PPP2R2B: variants seen among roughly 807,000 people sequenced by gnomAD.
PPP2R2B encodes serine/threonine-protein phosphatase 2A 55 kDa regulatory subunit B beta isoform.
PPP2R2B carries 5 observed loss-of-function variants against 46.0 expected under a neutral mutation model. The observed-to-expected ratio is 0.11, with a 90% CI of 0.06 to 0.23. The LOEUF (loss-of-function observed/expected upper bound fraction) is 0.23. Among genes scored for constraint, PPP2R2B ranks in the 10% least tolerant of loss-of-function variants. The pLI is 1.00. For synonymous variants in PPP2R2B, 215 were observed against 206.7 expected (o/e 1.04, Z -0.34); for missense variants, 367 against 575.0 (o/e 0.64, Z 3.70).
chr5:146,706,115 C>A (rs1392684479), intron 2 of PPP2R2B, among the ~76,000 whole-genome samples: 1 of 152,186 alleles, frequency 6.6e-6, no homozygotes, highest in Non-Finnish European at 1.5e-5. Context: ...AGGTAAGTCT[C>A]CTGTTCCCTG....
At chr5:147,004,908 G>A (rs1011716186) in intron 1 of PPP2R2B, among the ~76,000 whole-genome samples, 8 of 152,154 alleles carry the variant, frequency 5.3e-5, no homozygotes, top group Non-Finnish European at 1.2e-4. Flanking sequence ...TGGCCTCACT[G>A]TTTATGGGTA....
intron 2 of PPP2R2B, among the ~76,000 whole-genome samples, chr5:146,772,575 A>G (rs1481088625): frequency 6.6e-6 from 1 of 151,980 alleles, no homozygotes; most frequent in Non-Finnish European, 1.5e-5. Flanking sequence ...GTTTATAGGA[A>G]TGCATTTGTG....
At chr5:146,876,484 T>C (rs1761905433) in intron 2 of PPP2R2B, among the ~76,000 whole-genome samples, 1 of 152,138 alleles carries the variant, frequency 6.6e-6, no homozygotes, top group Non-Finnish European at 1.5e-5. Flanking sequence ...AAGGCCAACT[T>C]CTCTCTTGGA....
chr5:147,052,655 T>C (rs967265647), intron 1 of PPP2R2B, among the ~76,000 whole-genome samples: 6 of 152,092 alleles, frequency 3.9e-5, no homozygotes, highest in African/African-American at 1.4e-4. Context: ...AAAGAAGGCC[T>C]GTGTGTCTGG....
intron 2 of PPP2R2B, among the ~76,000 whole-genome samples, chr5:146,799,340 C>T (rs569311275): frequency 1.3e-5 from 2 of 152,272 alleles, no homozygotes; most frequent in Non-Finnish European, 2.9e-5. Flanking sequence ...TAGTGGGGAG[C>T]TCTATTTACT....
intron 2 of PPP2R2B, among the ~76,000 whole-genome samples, chr5:146,856,280 T>C (rs1760658937): frequency 6.6e-6 from 1 of 152,230 alleles, no homozygotes; most frequent in Non-Finnish European, 1.5e-5. Flanking sequence ...TTCTTGTTCT[T>C]AAAACAGTAA....
At chr5:146,892,180 A>G (rs1762509908) in intron 1 of PPP2R2B, among the ~76,000 whole-genome samples, 2 of 152,200 alleles carry the variant, frequency 1.3e-5, no homozygotes, top group Admixed American at 6.5e-5. Flanking sequence ...GAGGGAACAC[A>G]ATAGAATAAA....
intron 2 of PPP2R2B, among the ~76,000 whole-genome samples, chr5:147,069,518 A>C (rs796400457): frequency 1.0e-3 from 154 of 152,064 alleles, no homozygotes; most frequent in African/African-American, 3.6e-3. Flanking sequence ...CACAACTTCA[A>C]CATAAACTCT....
At chr5:146,912,754 G>A (rs564280144) in intron 1 of PPP2R2B, among the ~76,000 whole-genome samples, 5 of 152,010 alleles carry the variant, frequency 3.3e-5, no homozygotes, top group Admixed American at 2.0e-4. Context: ...TGATCCGCTC[G>A]CTTCGGCCTC....
chr5:146,725,028 A>C (rs1751770533), intron 2 of PPP2R2B, among the ~76,000 whole-genome samples: 1 of 151,176 alleles, frequency 6.6e-6, no homozygotes, highest in Admixed American at 6.6e-5. Context: ...ATTCTAATTC[A>C]TATATACTTC....
chr5:146,591,431 C>T (rs948850804), intron 9 of PPP2R2B, among the ~76,000 whole-genome samples: 3 of 152,056 alleles, frequency 2.0e-5, no homozygotes, highest in African/African-American at 7.3e-5. Context: ...TCAGGCAGGG[C>T]GCTGAGGGCT....
chr5:146,938,109 G>A (rs746322586), intron 1 of PPP2R2B, among the ~76,000 whole-genome samples: 3 of 152,104 alleles, frequency 2.0e-5, no homozygotes, highest in African/African-American at 4.8e-5. Flanking sequence ...TTGAGGTACC[G>A]TATTTCATGG....
intron 7 of PPP2R2B, among the ~76,000 whole-genome samples, chr5:146,620,347 G>A (rs999061059): frequency 5.9e-5 from 9 of 152,132 alleles, no homozygotes; most frequent in Non-Finnish European, 8.8e-5. Flanking sequence ...TTAGCCAAGC[G>A]GGACTGGTGC....
At chr5:147,025,174 C>T (rs1021364585) in intron 1 of PPP2R2B, among the ~76,000 whole-genome samples, 1 of 151,856 alleles carries the variant, frequency 6.6e-6, no homozygotes, top group Admixed American at 6.6e-5. Context: ...ATGAATTTTC[C>T]AGTTCAGAGG....
rs192339270 is a variant in PPP2R2B at position 146,600,244 on chromosome 5, C to T, written c.960+47G>A. On this transcript the variant is annotated intron_variant, in intron 8 of 9. Transcript: ENST00000394411. ...GGAAGCAGGGGCTGACTTAAAAGCT[C>T]ATGAAGGGAATGTTCAATATACCTA... is the stretch of plus-strand genomic sequence containing the variant. The T allele has an allele frequency of 2.8e-5, 44 of 1,583,478 alleles. No individual in the cohort carries two copies. The African/African-American group carries it at 5.6e-4, about 20-fold the overall frequency.
chr5:147,040,532 G>A (rs1311471541), intron 1 of PPP2R2B, among the ~76,000 whole-genome samples: 2 of 152,094 alleles, frequency 1.3e-5, no homozygotes, highest in Non-Finnish European at 2.9e-5. Flanking sequence ...TTGGACTGGA[G>A]AAATTGTAGG....
intron 5 of PPP2R2B, among the ~76,000 whole-genome samples, chr5:146,653,886 A>G: frequency 6.6e-6 from 1 of 152,142 alleles, no homozygotes; most frequent in Non-Finnish European, 1.5e-5. Context: ...GTATTCCAAC[A>G]TCAGTCCCAG....
In PPP2R2B at chr5:146,875,895, C is replaced by T. The variant is rs906718879; in HGVS notation, c.70+2107G>A. Among the ~76,000 whole-genome samples, 132 of 152,342 alleles carry T rather than the reference C, an allele frequency of 8.7e-4. 1 individual carries two copies. The highest frequency in any genetic ancestry group is 3.1e-3 in the African/African-American group (127 of 41,576). ...ATTGGAAGAACAGGGACTCTTCCCC[C>T]TCTGGCAACAAAATTGCATGAATCT... On this transcript the variant is annotated intron_variant, in intron 2 of 9. Coordinates refer to ENST00000394411, the MANE Select transcript of PPP2R2B (RefSeq NM_181675.4).
chr5:146,903,815 G>A (rs958414450), intron 1 of PPP2R2B, among the ~76,000 whole-genome samples: 2 of 152,116 alleles, frequency 1.3e-5, no homozygotes, highest in African/African-American at 4.8e-5. Flanking sequence ...AGTTGTATCA[G>A]AATACTCAGT....
Sources: allele counts gnomAD v4.1 joint callset (sites outside exome capture counted in the v4.1 genomes callset), GRCh38; gene constraint gnomAD v4.1.1; transcripts MANE v1.5; gene names NCBI Gene and HGNC (gene_info 2026-07-23, HGNC 2026-07-21).